Variants in CD163 observed in about 807,000 individuals in gnomAD.
CD163 encodes scavenger receptor cysteine-rich type 1 protein M130.
CD163 carries 64 observed loss-of-function variants against 129.2 expected under a neutral mutation model. The observed-to-expected ratio is 0.50, with a 90% confidence interval of 0.41 to 0.61. CD163 has a LOEUF of 0.61. CD163 is among the 20% of genes least tolerant of loss of function. CD163 has a pLI of 0.00. For missense variants in CD163, 1,061 were observed against 1,377.9 expected, an observed-to-expected ratio of 0.77 and a Z score of 3.64; for synonymous variants, 446 against 478.5, an observed-to-expected ratio of 0.93 and a Z score of 0.89.
chr12:7,495,448 G>T, intron 5 of CD163, 47 bp from the exon 6 acceptor site: 2 of 1,533,600 alleles, frequency 1.3e-6, no homozygotes, highest in Non-Finnish European at 1.8e-6. Context: ...ATGGAGGTTA[G>T]CTTCCAGAGG....
chr12:7,499,836 A>G (rs73254937), intron 3 of CD163, among the ~76,000 whole-genome samples: 7 of 152,306 alleles, frequency 4.6e-5, no homozygotes, highest in African/African-American at 1.7e-4. Flanking sequence ...GAACTGAGTC[A>G]CCAAGAGAAC....
At position 7,496,860 on chromosome 12, in the gene CD163, C is replaced by T. The variant is rs1297943743; in HGVS notation, c.1052G>A (p.Gly351Glu). 1.2e-6 allele frequency: 2 copies of T among 1,613,958 alleles called. No homozygotes were observed. Among genetic ancestry groups the T allele is most frequent in the African/African-American group, 2.7e-5 (2 of 74,906 alleles). The change falls in exon 5 of 17, where the codon GGA (glycine) becomes GAA (glutamate). Residue 351 changes from glycine (G) to glutamate (E), a missense_variant. Physicochemically the swap from Gly to Glu is moderately conservative, Grantham distance 98 (BLOSUM62 -2). Coordinates refer to ENST00000432237, the MANE Select transcript of CD163 (RefSeq NM_203416.4). This position sits in a 1 kb window ranked among gnomAD's most constrained non-coding sequence, Gnocchi z 4.8. Reference sequence around the variant, plus strand: ...TTCATTGTGATTGCAATAATGCTTTCCCCATTCATGGTGTTTACATTGCCA... The same window carrying T: ...TTCATTGTGATTGCAATAATGCTTTTCCCATTCATGGTGTTTACATTGCCA... ...AIWQCKHHEW[G>E]KHYCNHNEDA...
rs1175770727 is a variant in CD163 at position 7,485,878 on chromosome 12, GA to G, written c.2459-463del. On this transcript the variant is annotated intron_variant, in intron 10 of 16. Coordinates refer to ENST00000432237, the MANE Select transcript of CD163 (RefSeq NM_203416.4). This position sits in a 1 kb window ranked among gnomAD's most constrained non-coding sequence, Gnocchi z 4.5. ...TACCAGATTTATGTCATTAAAATAG[GA>G]ATAAATCACTTCTGAGATACAGAGT... Among the ~76,000 whole-genome samples, 2 of 152,122 alleles carry G rather than the reference GA, an allele frequency of 1.3e-5. No homozygotes were observed. Among genetic ancestry groups the G allele is most frequent in the Non-Finnish European group, 2.9e-5 (2 of 68,010 alleles).
intron 5 of CD163, among the ~76,000 whole-genome samples, chr12:7,495,667 T>C (rs1949390286): frequency 6.6e-6 from 1 of 152,062 alleles, no homozygotes; most frequent in South Asian, 2.1e-4. Flanking sequence ...GGGTGAAGGG[T>C]ATGAACAGAC....
rs549690317 is a variant in CD163 at position 7,481,044 on chromosome 12, A to C, written c.3343+117T>G. On this transcript the variant is annotated intron_variant, in intron 15 of 16. Coordinates refer to ENST00000432237, the MANE Select transcript of CD163 (RefSeq NM_203416.4). ...CATTCTTGTCCATTATATGCATCTA[A>C]GCTTCCTATTACATTTTTAGACTTT... 1.7e-4 allele frequency: 251 copies of C among 1,460,710 alleles called. 1 individual carries two copies. The South Asian group carries it at 3.5e-3, about 20-fold the overall frequency. The allele number at this position is 1,460,710 out of a possible 1,614,324, so 90.5% of individuals were successfully genotyped here. A position where few individuals can be genotyped will look rare whatever the true frequency, so the allele number is the denominator to read the frequency against.
At position 7,485,080 on chromosome 12, in the gene CD163, G is replaced by A. The variant is rs764316058; in HGVS notation, c.2779+16C>T. 45 of 1,573,594 alleles carry A rather than the reference G, an allele frequency of 2.9e-5. No individual in the cohort carries two copies. The Middle Eastern group carries it at 5.1e-4, about 18-fold the overall frequency. ...GCTGCAGAATGGAATTTTCATATAG[G>A]TCGATGGATACTCACTGTCACATGT... On this transcript the variant is annotated intron_variant, in intron 11 of 16. Transcript: ENST00000432237. This position sits in a 1 kb window ranked among gnomAD's most constrained non-coding sequence, Gnocchi z 4.5.
intron 6 of CD163, among the ~76,000 whole-genome samples, chr12:7,493,412 G>T (rs1281264454): frequency 6.6e-6 from 1 of 152,108 alleles, no homozygotes; most frequent in African/African-American, 2.4e-5. Flanking sequence ...CTGTCCGGTA[G>T]GATTTGATAC....
At chr12:7,491,134 AAAAC>A (rs138236495) in intron 6 of CD163, among the ~76,000 whole-genome samples, 8,924 of 152,070 alleles carry the variant, frequency 0.059, 302 homozygotes, top group African/African-American at 0.083. Context: ...AAACCAGTGA[AAAAC>A]AAACAAACAA....
intron 6 of CD163, among the ~76,000 whole-genome samples, chr12:7,489,236 T>C (rs1176091584): frequency 6.6e-6 from 1 of 152,158 alleles, no homozygotes; most frequent in African/African-American, 2.4e-5. Context: ...TCCAGCATAT[T>C]TCTTCTTCTG....
rs192304862 is a variant in CD163 at position 7,483,315 on chromosome 12, C to T, written c.3088+52G>A. The T allele has an allele frequency of 2.9e-5, 44 of 1,543,684 alleles. 1 individual carries two copies. Among genetic ancestry groups the T allele is most frequent in the Admixed American group, 2.4e-4 (14 of 57,566 alleles). ...TTACACAACACACATCACTGCCCAA[C>T]CCCTCTTTGCTGCCAGAGATTCCAA... On this transcript the variant is annotated intron_variant, in intron 12 of 16. Coordinates refer to ENST00000432237, the MANE Select transcript of CD163 (RefSeq NM_203416.4).
chr12:7,498,469 G>C (rs887204243), intron 4 of CD163, among the ~76,000 whole-genome samples: 1 of 152,202 alleles, frequency 6.6e-6, no homozygotes, highest in African/African-American at 2.4e-5. Context: ...GGGTTAATGA[G>C]GCTAATGAGG....
chr12:7,492,341 T>C (rs1325732157), intron 6 of CD163, among the ~76,000 whole-genome samples: 1 of 152,120 alleles, frequency 6.6e-6, no homozygotes, highest in Non-Finnish European at 1.5e-5. Context: ...CTGAATAGAA[T>C]CCTGAATAAT....
At chr12:7,478,749 T>C (rs889626765) in intron 16 of CD163, among the ~76,000 whole-genome samples, 23 of 151,572 alleles carry the variant, frequency 1.5e-4, no homozygotes, top group Middle Eastern at 6.8e-3. Flanking sequence ...TATTCTGTAG[T>C]GTCTTGTACA....
rs116457801 is a variant in CD163, at chr12:7,489,291, A to C, written c.1421-1204T>G. 1.0e-3 allele frequency among the ~76,000 whole-genome samples: 158 copies of C among 152,272 alleles called. 1 individual carries two copies. The highest frequency in any genetic ancestry group is 3.4e-3 in the African/African-American group (142 of 41,564). Reference sequence around the variant, plus strand: ...ATAAAGTGATTTGTCATCATCTGTCATGCAGACCTCTACAATAGCTTCGTA... The same window carrying C: ...ATAAAGTGATTTGTCATCATCTGTCCTGCAGACCTCTACAATAGCTTCGTA... On this transcript the variant is annotated intron_variant, in intron 6 of 16. Transcript: ENST00000432237.
At chr12:7,474,961 A>C (rs1298060863) in intron 16 of CD163, among the ~76,000 whole-genome samples, 2 of 152,110 alleles carry the variant, frequency 1.3e-5, no homozygotes, top group Non-Finnish European at 2.9e-5. Flanking sequence ...TACACAAATA[A>C]ACTAGAAAAT....
At position 7,496,931 on chromosome 12, in the gene CD163, G is replaced by A. The variant is rs1382666557; in HGVS notation, c.981C>T (p.His327=). Residue 327 remains histidine, a synonymous_variant, in exon 5 of 17, where the codon CAC becomes CAT. Transcript: ENST00000432237. The surrounding 1 kb of genome is among the most constrained non-coding windows in gnomAD (Gnocchi z 4.8). ...GRVNASKGFG[H]IWLDSVSCQG... is the part of the protein sequence containing the mutation. ...GGCAAGAAACGCTGTCAAGCCAGAT[G>A]TGTCCAAATCCCTTACTGGCGTTAA... 3.7e-6 allele frequency: 6 copies of A among 1,614,134 alleles called. No homozygotes were observed. The highest frequency in any genetic ancestry group is 5.1e-6 in the Non-Finnish European group (6 of 1,179,994).
rs142110128 is a variant in CD163 at position 7,487,591 on chromosome 12, G to T, written c.1818C>A (p.Ser606=). The T allele has an allele frequency of 3.1e-6, 5 of 1,613,932 alleles. No homozygotes were observed. In the African/African-American group the frequency reaches 6.7e-5, roughly 22 times the overall value. ...VELKTLGAWG[S]LCNSHWDIED... is the part of the protein sequence containing the mutation. ...CTATGTCCCAGTGAGAGTTACAGAGGGATCCCCAGGCACCAAGCGTTTTGA... is the reference window on the plus strand; with the variant it reads ...CTATGTCCCAGTGAGAGTTACAGAGTGATCCCCAGGCACCAAGCGTTTTGA... Residue 606 remains serine (S), a synonymous_variant, in exon 8 of 17, where the codon TCC becomes TCA. Coordinates refer to ENST00000432237, the MANE Select transcript of CD163 (RefSeq NM_203416.4). This position sits in a 1 kb window ranked among gnomAD's most constrained non-coding sequence, Gnocchi z 5.1.
Position 7,499,195 on chromosome 12 carries a change from CA to C in CD163, c.458-8del. 1 of 1,600,344 alleles carries C rather than the reference CA, an allele frequency of 6.2e-7. No homozygotes were observed. The highest frequency in any genetic ancestry group is 8.5e-7 in the Non-Finnish European group (1 of 1,173,694). ...ATTTCCAAATTGGATCCATCTGGAG[CA>C]GAGAAAAGACCAGAGTTCAGAAGTT... On this transcript the variant is annotated splice_region_variant and splice_polypyrimidine_tract_variant and intron_variant, in intron 3 of 16. Coordinates refer to ENST00000432237, the MANE Select transcript of CD163 (RefSeq NM_203416.4).
chr12:7,471,527 C>T (rs974742980), intron 16 of CD163, 130 bp from the exon 17 acceptor site: 2 of 146,344 alleles, frequency 1.4e-5, no homozygotes, highest in African/African-American at 2.6e-5. Context: ...ATTTTAAATG[C>T]TATTTTTTTT....
Sources: allele counts gnomAD v4.1 joint callset (sites outside exome capture counted in the v4.1 genomes callset), GRCh38; gene constraint gnomAD v4.1.1; non-coding constraint Gnocchi (gnomAD v3.1); transcripts MANE v1.5; gene names NCBI Gene and HGNC (gene_info 2026-07-23, HGNC 2026-07-21).